The following PPFIBP1 variants were observed in gnomAD, a reference collection of about 807,000 sequenced individuals.
The protein encoded by PPFIBP1 is PPFIB scaffold protein 1.
In PPFIBP1, 112 loss-of-function variants were observed where a neutral mutation model predicts 137.8. That is an observed-to-expected ratio of 0.81 (90% CI 0.70 to 0.95). The LOEUF is 0.95. PPFIBP1 is among the 40% of genes least tolerant of loss of function. The probability of loss-of-function intolerance (pLI) is 0.00; values close to 1 mark genes in which losing one functional copy is unlikely to be tolerated. For missense variants in PPFIBP1, 1,083 were observed against 1,196.6 expected, an observed-to-expected ratio of 0.91 and a Z score of 1.40; for synonymous variants, 378 against 417.3, an observed-to-expected ratio of 0.91 and a Z score of 1.15.
intron 2 of PPFIBP1, among the ~76,000 whole-genome samples, chr12:27,586,151 T>C (rs566799025): frequency 6.6e-6 from 1 of 152,270 alleles, no homozygotes; most frequent in East Asian, 1.9e-4. Flanking sequence ...AGTTTGTAGA[T>C]GAGGAAACAG....
intron 1 of PPFIBP1, among the ~76,000 whole-genome samples, chr12:27,552,026 C>T (rs2136214561): frequency 6.6e-6 from 1 of 152,310 alleles, no homozygotes; most frequent in Non-Finnish European, 1.5e-5. Context: ...ATCTTTAAAA[C>T]AAGGGGGATG....
intron 2 of PPFIBP1, among the ~76,000 whole-genome samples, chr12:27,611,848 A>T (rs533640450): frequency 6.6e-6 from 1 of 151,828 alleles, no homozygotes; most frequent in Non-Finnish European, 1.5e-5. Context: ...AGGCCAAAAA[A>T]TGTTAGGTAA....
In PPFIBP1 at chr12:27,575,569, G is replaced by A. The variant is rs148623536; in HGVS notation, c.-123-2583G>A. Among the ~76,000 whole-genome samples, 158 of 152,338 alleles carry A rather than the reference G, an allele frequency of 1.0e-3. 2 individuals are homozygous for A. The highest frequency in any genetic ancestry group is 3.7e-3 in the African/African-American group (155 of 41,572). On this transcript the variant is annotated intron_variant, in intron 1 of 29. Coordinates refer to ENST00000228425, the MANE Select transcript of PPFIBP1 (RefSeq NM_003622.4). ...AGAATTATCTTGGAATTTGAGACCT[G>A]AGGTTGTGGGCAGGATGTTAAGAGT...
chr12:27,680,766 A>G (rs982835826), intron 21 of PPFIBP1, among the ~76,000 whole-genome samples: 8 of 152,212 alleles, frequency 5.3e-5, no homozygotes, highest in African/African-American at 1.7e-4. Context: ...CTCACTGTGC[A>G]TAAGAGGGTG....
chr12:27,663,491 A>C (rs995163063), intron 11 of PPFIBP1, among the ~76,000 whole-genome samples: 2 of 152,146 alleles, frequency 1.3e-5, no homozygotes, highest in African/African-American at 4.8e-5. Flanking sequence ...TGGATGGATA[A>C]GTGAAAGGAG....
chr12:27,649,901 C>T, intron 6 of PPFIBP1, 109 bp from the exon 7 acceptor site: 2 of 1,014,676 alleles, frequency 2.0e-6, no homozygotes, highest in Non-Finnish European at 2.8e-6. Flanking sequence ...TTATACTTCA[C>T]TATATCCTCT....
intron 2 of PPFIBP1, among the ~76,000 whole-genome samples, chr12:27,602,277 G>A (rs1189950178): frequency 1.3e-5 from 2 of 152,110 alleles, no homozygotes; most frequent in Non-Finnish European, 2.9e-5. Flanking sequence ...TCCCTACCCA[G>A]CTTTATTGAG....
chr12:27,524,571 C>A (rs747302068), intron 1 of PPFIBP1, among the ~76,000 whole-genome samples: 2 of 151,970 alleles, frequency 1.3e-5, no homozygotes, highest in Admixed American at 1.3e-4. Flanking sequence ...CGAGCTTGTA[C>A]GTGAAGAATA....
intron 2 of PPFIBP1, chr12:27,592,867 C>T (rs369081153): frequency 9.6e-5 from 50 of 520,364 alleles, no homozygotes; most frequent in Middle Eastern, 1.1e-3. Context: ...AGGCTGGGTG[C>T]GATGGCTCAC....
chr12:27,575,081 C>T (rs4931150), intron 1 of PPFIBP1, among the ~76,000 whole-genome samples: 39,711 of 152,038 alleles, frequency 0.26, 5,279 homozygotes, highest in Non-Finnish European at 0.28. Flanking sequence ...AAGTAGCAGG[C>T]TTTTTAGACC....
At chr12:27,608,093 G>A (rs1033018464) in intron 2 of PPFIBP1, among the ~76,000 whole-genome samples, 2 of 152,094 alleles carry the variant, frequency 1.3e-5, no homozygotes, top group Non-Finnish European at 2.9e-5. Flanking sequence ...ACATTTGGAA[G>A]CAAATTTTCC....
chr12:27,675,246 G>A (rs907036135), intron 17 of PPFIBP1, among the ~76,000 whole-genome samples: 2 of 152,078 alleles, frequency 1.3e-5, no homozygotes, highest in African/African-American at 4.8e-5. Flanking sequence ...AGTCATATGT[G>A]GATAGAATTG....
At chr12:27,548,660 G>A (rs1004186691) in intron 1 of PPFIBP1, 2 of 152,172 alleles carry the variant, frequency 1.3e-5, no homozygotes, top group Non-Finnish European at 2.9e-5. Flanking sequence ...CTGCCTTCTA[G>A]TAAGTGAAGG....
intron 1 of PPFIBP1, among the ~76,000 whole-genome samples, chr12:27,561,303 C>T (rs940822952): frequency 1.3e-5 from 2 of 152,154 alleles, no homozygotes; most frequent in South Asian, 4.1e-4. Context: ...TCTTGGCCTC[C>T]TTTCTGGGGG....
rs551149042 is a variant in PPFIBP1, at chr12:27,691,621, G to A, written c.2686-128G>A. The stretch of plus-strand genomic sequence containing the variant: ...TCCAGCTACTTTTCTCTCTACCATG[G>A]GGTAAATAATTAAATTATACATATA... On this transcript the variant is annotated intron_variant, in intron 27 of 29. Coordinates refer to ENST00000228425, the MANE Select transcript of PPFIBP1 (RefSeq NM_003622.4). 2.4e-4 allele frequency: 150 copies of A among 622,128 alleles called. 2 individuals are homozygous for A. The Middle Eastern group carries it at 2.5e-3, about 10-fold the overall frequency. The allele number at this position is 622,128 out of a possible 1,614,324, so 38.5% of individuals were successfully genotyped here. A position where few individuals can be genotyped will look rare whatever the true frequency, so the allele number is the denominator to read the frequency against.
At chr12:27,628,755 C>T (rs894549099) in intron 2 of PPFIBP1, among the ~76,000 whole-genome samples, 1 of 152,112 alleles carries the variant, frequency 6.6e-6, no homozygotes, top group African/African-American at 2.4e-5. Context: ...TAATTTCTAA[C>T]AACCAACTTC....
At chr12:27,661,279 T>C (rs1043064084) in intron 11 of PPFIBP1, among the ~76,000 whole-genome samples, 2 of 152,242 alleles carry the variant, frequency 1.3e-5, no homozygotes, top group Admixed American at 1.3e-4. Flanking sequence ...TTTTGGGCCC[T>C]GAAGGAGCTA....
intron 1 of PPFIBP1, among the ~76,000 whole-genome samples, chr12:27,560,090 T>C (rs2049036306): frequency 6.6e-6 from 1 of 152,264 alleles, no homozygotes; most frequent in African/African-American, 2.4e-5. Flanking sequence ...CAAATGTTTT[T>C]AAAATGTACA....
At chr12:27,605,661 C>G (rs1400118877) in intron 2 of PPFIBP1, among the ~76,000 whole-genome samples, 1 of 152,014 alleles carries the variant, frequency 6.6e-6, no homozygotes, top group Non-Finnish European at 1.5e-5. Flanking sequence ...TTTGTGCTGG[C>G]CACATTTCAA....
Sources: gnomAD v4.1 joint callset for allele counts (sites outside exome capture counted in the v4.1 genomes callset) on GRCh38, gnomAD v4.1.1 for gene constraint, MANE v1.5 for transcripts, NCBI Gene and HGNC (gene_info 2026-07-23, HGNC 2026-07-21) for gene names.